The following EML6 variants were observed in gnomAD, a reference collection of about 807,000 sequenced individuals.
EML6 encodes the protein echinoderm microtubule-associated protein-like 6.
Under a neutral mutation model 240.1 loss-of-function variants are expected in EML6, and 154 were observed. That is an observed-to-expected ratio of 0.64 (90% CI 0.56 to 0.73). The LOEUF is 0.73. EML6 is among the 30% of genes least tolerant of loss of function. The pLI is 0.00. For missense variants in EML6, 2,964 were observed against 2,474.6 expected (o/e 1.20, Z -4.20); for synonymous variants, 1,148 against 899.0 (o/e 1.28, Z -4.95).
chr2:54,850,536 T>G (rs764972697), intron 10 of EML6, among the ~76,000 whole-genome samples: 2 of 151,496 alleles, frequency 1.3e-5, no homozygotes, highest in African/African-American at 4.9e-5. Context: ...ACAAAAGATA[T>G]ATATCTAGAA....
intron 28 of EML6, among the ~76,000 whole-genome samples, chr2:54,930,462 A>T (rs1173664711): frequency 6.6e-6 from 1 of 152,150 alleles, no homozygotes; most frequent in African/African-American, 2.4e-5. Flanking sequence ...CCATTTTATT[A>T]TCAAGCTATA....
chr2:54,752,053 C>T (rs567255374), intron 2 of EML6, among the ~76,000 whole-genome samples: 40 of 152,142 alleles, frequency 2.6e-4, no homozygotes, highest in Non-Finnish European at 5.1e-4. Context: ...GATGAGTGCA[C>T]TTTAGGGCAT....
chr2:54,936,818 CCTT>C (rs1188496156), intron 28 of EML6, among the ~76,000 whole-genome samples: 5 of 152,118 alleles, frequency 3.3e-5, no homozygotes, highest in Non-Finnish European at 7.4e-5. Flanking sequence ...TTTAACTGCT[CCTT>C]CTTTTCTTAC....
chr2:54,917,024 T>C (rs1028268528), intron 26 of EML6, 89 bp downstream of exon 26: 6 of 983,566 alleles, frequency 6.1e-6, no homozygotes, highest in Admixed American at 2.5e-5. Flanking sequence ...AAATTTGAAG[T>C]CATAAGCAAT....
rs1669189082 is a variant in EML6 at position 54,837,019 on chromosome 2, G to A, written c.848-7028G>A. Among the ~76,000 whole-genome samples, 3 of 152,160 alleles carry A rather than the reference G, an allele frequency of 2.0e-5. No homozygotes were observed. The South Asian group carries it at 6.2e-4, about 32-fold the overall frequency. Reference sequence around the variant, plus strand: ...GGCTGCAAGGGCGGGGGGTTTTGAAGATCTCTGCTGTCTTTTCCACACCCT... The same window carrying A: ...GGCTGCAAGGGCGGGGGGTTTTGAAAATCTCTGCTGTCTTTTCCACACCCT... On this transcript the variant is annotated intron_variant, in intron 7 of 41. Coordinates refer to ENST00000356458, the MANE Select transcript of EML6 (RefSeq NM_001039753.4).
intron 11 of EML6, among the ~76,000 whole-genome samples, chr2:54,857,402 C>A (rs959308422): frequency 3.9e-5 from 6 of 152,090 alleles, no homozygotes; most frequent in African/African-American, 1.4e-4. Context: ...CCAGGGAAAG[C>A]CTTATGAGAG....
intron 17 of EML6, among the ~76,000 whole-genome samples, chr2:54,890,579 A>G (rs1486488969): frequency 6.6e-6 from 1 of 152,106 alleles, no homozygotes; most frequent in African/African-American, 2.4e-5. Flanking sequence ...CTTCTAAACA[A>G]TATGTTTCCA....
At position 54,825,523 on chromosome 2, in the gene EML6, A is replaced by T. The variant is rs59613718; in HGVS notation, c.526-2043A>T. The stretch of plus-strand genomic sequence containing the variant: ...AGTGATCTCTCTGCCTTGGCTTCCC[A>T]AAGTGCTGGTATTACAGGCATGAGC... On this transcript the variant is annotated intron_variant, in intron 5 of 41. Transcript: ENST00000356458. Among the ~76,000 whole-genome samples the T allele has an allele frequency of 4.8e-3, 737 of 152,268 alleles. 6 individuals are homozygous for T. The highest frequency in any genetic ancestry group is 0.017 in the African/African-American group (714 of 41,550).
At chr2:54,816,631 G>A (rs552165813) in intron 3 of EML6, among the ~76,000 whole-genome samples, 156 bp from the exon 4 acceptor site, 2 of 152,298 alleles carry the variant, frequency 1.3e-5, no homozygotes, top group South Asian at 4.1e-4. Context: ...ATCATCTATT[G>A]TGTTATTTTT....
chr2:54,952,442 T>C (rs1310441339), intron 30 of EML6, among the ~76,000 whole-genome samples, 152 bp from the exon 31 acceptor site: 1 of 152,116 alleles, frequency 6.6e-6, no homozygotes, highest in Non-Finnish European at 1.5e-5. Flanking sequence ...CGACCCTTCA[T>C]CTCCCCAAGT....
intron 2 of EML6, among the ~76,000 whole-genome samples, chr2:54,754,549 T>C (rs1410528278): frequency 6.6e-6 from 1 of 152,194 alleles, no homozygotes; most frequent in Non-Finnish European, 1.5e-5. Flanking sequence ...TTTTTCTTAT[T>C]GATATATATG....
chr2:54,942,443 G>T (rs1254519098), intron 28 of EML6, among the ~76,000 whole-genome samples: 1 of 152,168 alleles, frequency 6.6e-6, no homozygotes, highest in East Asian at 1.9e-4. Context: ...TCTCCATCTG[G>T]GGGGAATGGG....
At chr2:54,921,727 A>C (rs1029552889) in intron 26 of EML6, among the ~76,000 whole-genome samples, 3 of 152,158 alleles carry the variant, frequency 2.0e-5, no homozygotes, top group African/African-American at 7.2e-5. Context: ...CTGACATAAA[A>C]ACACATAGAC....
At chr2:54,939,625 G>GA (rs1675323299) in intron 28 of EML6, among the ~76,000 whole-genome samples, 1 of 152,132 alleles carries the variant, frequency 6.6e-6, no homozygotes, top group South Asian at 2.1e-4. Flanking sequence ...TCATAATCCT[G>GA]AAGGGTGATC....
At chr2:54,790,253 C>G (rs1185620095) in intron 2 of EML6, among the ~76,000 whole-genome samples, 1 of 152,102 alleles carries the variant, frequency 6.6e-6, no homozygotes, top group Non-Finnish European at 1.5e-5. Flanking sequence ...GACAATTCAT[C>G]CACTTTCTAT....
intron 2 of EML6, among the ~76,000 whole-genome samples, chr2:54,738,416 C>T (rs1373199668): frequency 6.6e-6 from 1 of 152,152 alleles, no homozygotes; most frequent in Non-Finnish European, 1.5e-5. Context: ...TTCTGTTTTA[C>T]ACTTTTATTG....
intron 41 of EML6, 68 bp from the exon 42 acceptor site, chr2:54,970,003 G>C: frequency 1.3e-6 from 2 of 1,518,672 alleles, no homozygotes; most frequent in East Asian, 2.5e-5. Context: ...TGGCAAGATT[G>C]TTTTTTGCCA....
chr2:54,754,145 AT>A (rs1188505738), intron 2 of EML6, among the ~76,000 whole-genome samples: 172 of 144,184 alleles, frequency 1.2e-3, no homozygotes, highest in Non-Finnish European at 1.1e-3. Flanking sequence ...AAAAAAAAAA[AT>A]TTTTTTTTTT....
intron 2 of EML6, among the ~76,000 whole-genome samples, chr2:54,794,621 T>G (rs165052): frequency 0.44 from 67,325 of 152,000 alleles, 15,139 homozygotes; most frequent in East Asian, 0.53. Context: ...AAACTTATCT[T>G]ACCAATGGCC....
Sources: gnomAD v4.1 joint callset for allele counts (sites outside exome capture counted in the v4.1 genomes callset) on GRCh38, gnomAD v4.1.1 for gene constraint, MANE v1.5 for transcripts, NCBI Gene and HGNC (gene_info 2026-07-23, HGNC 2026-07-21) for gene names.